Variants in ANKRD12 observed in about 807,000 individuals in gnomAD.
ANKRD12 encodes the protein ankyrin repeat domain-containing protein 12.
A neutral mutation model predicts 183.4 loss-of-function variants in ANKRD12; 85 were observed. The ratio of observed to expected loss-of-function variants is 0.46; its 90% CI spans 0.39 to 0.56. ANKRD12 has a LOEUF of 0.56. Ranked by LOEUF, ANKRD12 falls within the 20% of genes least tolerant of loss-of-function variation. The probability of loss-of-function intolerance (pLI) is 0.00; values close to 1 mark genes in which losing one functional copy is unlikely to be tolerated. For synonymous variants in ANKRD12, 914 were observed against 800.2 expected (o/e 1.14, Z -2.40); for missense variants, 2,405 against 2,357.1 (o/e 1.02, Z -0.42).
intron 1 of ANKRD12, among the ~76,000 whole-genome samples, chr18:9,157,597 A>ATATATG (rs913027226): frequency 1.7e-5 from 2 of 114,798 alleles, no homozygotes; most frequent in Non-Finnish European, 3.4e-5. Flanking sequence ...ATATATATAT[A>ATATATG]TATGTATTTT....
chr18:9,231,372 G>A (rs1420368368), intron 8 of ANKRD12, among the ~76,000 whole-genome samples: 4 of 152,050 alleles, frequency 2.6e-5, no homozygotes, highest in Non-Finnish European at 5.9e-5. Flanking sequence ...TATTGTATTG[G>A]AGTCTTCCTT....
intron 5 of ANKRD12, among the ~76,000 whole-genome samples, chr18:9,209,144 G>A (rs2144605953): frequency 6.6e-6 from 1 of 152,284 alleles, no homozygotes; most frequent in South Asian, 2.1e-4. Flanking sequence ...TGTGCCACAT[G>A]TATGTATGTT....
At position 9,208,816 on chromosome 18, in the gene ANKRD12, A is replaced by G; in HGVS notation, c.451+13A>G. The stretch of plus-strand genomic sequence containing the variant: ...GACAACAGTCCAGGTGATACCTACC[A>G]TCATTGAGTTAATGTGTATCCCTAG... On this transcript the variant is annotated intron_variant, in intron 5 of 12. Transcript: ENST00000262126. The G allele has an allele frequency of 6.5e-7, 1 of 1,532,154 alleles. No individual in the cohort carries two copies. Among genetic ancestry groups the G allele is most frequent in the African/African-American group, 1.4e-5 (1 of 72,122 alleles). The allele number at this position is 1,532,154 out of a possible 1,614,324, so 94.9% of individuals were successfully genotyped here. A position where few individuals can be genotyped will look rare whatever the true frequency, so the allele number is the denominator to read the frequency against.
At chr18:9,174,075 C>G (rs909271594) in intron 1 of ANKRD12, among the ~76,000 whole-genome samples, 1 of 152,194 alleles carries the variant, frequency 6.6e-6, no homozygotes, top group Non-Finnish European at 1.5e-5. Flanking sequence ...AAAGAGCAGT[C>G]TGGCCACGAT....
chr18:9,188,748 G>T (rs2034266696), intron 2 of ANKRD12, among the ~76,000 whole-genome samples: 1 of 152,232 alleles, frequency 6.6e-6, no homozygotes, highest in African/African-American at 2.4e-5. Context: ...TCATGATGAT[G>T]ATTAGTGATC....
intron 1 of ANKRD12, among the ~76,000 whole-genome samples, chr18:9,155,788 T>G (rs374151419): frequency 6.6e-6 from 1 of 152,194 alleles, no homozygotes; most frequent in African/African-American, 2.4e-5. Context: ...TTCACTGATT[T>G]GTTATACCTC....
intron 8 of ANKRD12, among the ~76,000 whole-genome samples, chr18:9,242,404 G>A (rs528389058): frequency 6.6e-6 from 1 of 151,900 alleles, no homozygotes; most frequent in South Asian, 2.1e-4. Context: ...TCCATAAAGG[G>A]TACATTTGGG....
At chr18:9,191,224 C>T (rs1404733539) in intron 2 of ANKRD12, among the ~76,000 whole-genome samples, 1 of 152,168 alleles carries the variant, frequency 6.6e-6, no homozygotes, top group Non-Finnish European at 1.5e-5. Context: ...AGTTATGGGC[C>T]TAGGATGTGC....
Position 9,258,340 on chromosome 18 carries a change from T to A in ANKRD12, c.5073T>A (p.Ile1691=), listed in dbSNP as rs2051609655. 6.2e-7 allele frequency: 1 copy of A among 1,613,638 alleles called. No individual in the cohort carries two copies. Among genetic ancestry groups the A allele is most frequent in the Non-Finnish European group, 8.5e-7 (1 of 1,179,934 alleles). ...SIEDEESQQS[I]LSSLENHSQQ... ...AAGATGAGGAATCTCAACAAAGCATTTTATCAAGTCTGGAAAACCATTCAC... is the reference window on the plus strand; with the variant it reads ...AAGATGAGGAATCTCAACAAAGCATATTATCAAGTCTGGAAAACCATTCAC... Residue 1691 remains isoleucine, a synonymous_variant, in exon 9 of 13, where the codon ATT becomes ATA. Coordinates refer to ENST00000262126, the MANE Select transcript of ANKRD12 (RefSeq NM_015208.5).
chr18:9,174,477 A>AGT (rs1215077814), intron 1 of ANKRD12, among the ~76,000 whole-genome samples: 1 of 152,236 alleles, frequency 6.6e-6, no homozygotes, highest in African/African-American at 2.4e-5. Flanking sequence ...GTTGGACCTA[A>AGT]GTAAGGCCCT....
At chr18:9,205,459 G>GC (rs1429236842) in intron 4 of ANKRD12, among the ~76,000 whole-genome samples, 1 of 151,908 alleles carries the variant, frequency 6.6e-6, no homozygotes. Context: ...GGCAGTGGAA[G>GC]AACCAAATAA....
chr18:9,214,581 C>T (rs1278537740), intron 6 of ANKRD12, among the ~76,000 whole-genome samples: 1 of 152,030 alleles, frequency 6.6e-6, no homozygotes, highest in African/African-American at 2.4e-5. Flanking sequence ...ATACTGTAAG[C>T]CTTGAATAAT....
intron 1 of ANKRD12, among the ~76,000 whole-genome samples, chr18:9,154,791 A>G (rs1323774275): frequency 6.6e-6 from 1 of 152,216 alleles, no homozygotes; most frequent in Non-Finnish European, 1.5e-5. Context: ...TTTCTGGCTT[A>G]AGTGATGGAT....
intron 8 of ANKRD12, among the ~76,000 whole-genome samples, chr18:9,224,038 A>C (rs1031006332): frequency 6.6e-6 from 1 of 152,236 alleles, no homozygotes; most frequent in African/African-American, 2.4e-5. Flanking sequence ...AAAGAAACAA[A>C]TGTCCTAATA....
rs145287399 is a variant in ANKRD12 at position 9,281,072 on chromosome 18, G to A, written c.6135G>A (p.Glu2045=). The A allele has an allele frequency of 5.0e-6, 8 of 1,613,936 alleles. No homozygotes were observed. In the African/African-American group the frequency reaches 6.7e-5, roughly 13 times the overall value. The change falls in exon 13 of 13, where the codon GAG becomes GAA. Residue 2045 remains glutamate, a synonymous_variant. Transcript: ENST00000262126. ...CTATCAGCATTTACGAAATCCAGGA[G>A]TTTTATGTTCCCCTTGTTGATGTTA... ...YKSISIYEIQ[E]FYVPLVDVND...
Position 9,216,801 on chromosome 18 carries a change from T to C in ANKRD12, c.696T>C (p.Asp232=), listed in dbSNP as rs144803973. ...AAGCTTGCAATGTTGGATATTACGA[T>C]GTTGCTAAGATACTTATAGCAGCTG... ...LHEACNVGYY[D]VAKILIAAGA... is the part of the protein sequence containing the mutation. Residue 232 remains aspartate (D), a synonymous_variant, in exon 7 of 13, where the codon GAT becomes GAC. Coordinates refer to ENST00000262126, the MANE Select transcript of ANKRD12 (RefSeq NM_015208.5). The C allele has an allele frequency of 3.7e-6, 6 of 1,613,554 alleles. No homozygotes were observed. The African/African-American group carries it at 8.0e-5, about 22-fold the overall frequency.
intron 1 of ANKRD12, among the ~76,000 whole-genome samples, chr18:9,171,578 TTC>T (rs2143989244): frequency 6.6e-6 from 1 of 152,298 alleles, no homozygotes; most frequent in East Asian, 1.9e-4. Flanking sequence ...AGGAAAGTTT[TTC>T]CTTTCCATAT....
At chr18:9,221,810 A>G (rs773054867) in intron 7 of ANKRD12, 42 bp from the exon 8 acceptor site, 7 of 1,604,944 alleles carry the variant, frequency 4.4e-6, no homozygotes, top group African/African-American at 2.7e-5. Flanking sequence ...AGTGATAACA[A>G]TCTGTGAAGG....
chr18:9,248,176 G>T (rs1190234357), intron 8 of ANKRD12, among the ~76,000 whole-genome samples: 1 of 152,170 alleles, frequency 6.6e-6, no homozygotes, highest in African/African-American at 2.4e-5. Flanking sequence ...TGAATGTTGG[G>T]AAGAAGAACT....
Sources: allele counts gnomAD v4.1 joint callset (sites outside exome capture counted in the v4.1 genomes callset), GRCh38; gene constraint gnomAD v4.1.1; transcripts MANE v1.5; gene names NCBI Gene and HGNC (gene_info 2026-07-23, HGNC 2026-07-21).